NEDD4: variants seen among roughly 807,000 people sequenced by gnomAD.
NEDD4 encodes E3 ubiquitin-protein ligase NEDD4.
A neutral mutation model predicts 144.9 loss-of-function variants in NEDD4; 99 were observed. The ratio of observed to expected loss-of-function variants is 0.68; its 90% CI spans 0.58 to 0.81. The LOEUF is 0.81. Ranked by LOEUF, NEDD4 falls within the 30% of genes least tolerant of loss-of-function variation. The pLI is 0.00. For synonymous variants in NEDD4, 318 were observed against 350.6 expected (o/e 0.91, Z 1.04); for missense variants, 985 against 1,065.9 (o/e 0.92, Z 1.06).
At chr15:55,944,566 C>G (rs1286808917) in intron 4 of NEDD4, among the ~76,000 whole-genome samples, 2 of 152,220 alleles carry the variant, frequency 1.3e-5, no homozygotes, top group African/African-American at 4.8e-5. Context: ...CAGGGCATAG[C>G]TGAACAAAAT....
intron 5 of NEDD4, among the ~76,000 whole-genome samples, chr15:55,889,282 A>C (rs1021163710): frequency 2.0e-5 from 3 of 152,226 alleles, no homozygotes; most frequent in African/African-American, 7.2e-5. Context: ...TGCTGAAGAG[A>C]TATTTCAGCA....
At chr15:55,924,332 C>A in intron 5 of NEDD4, 1 of 250,542 alleles carries the variant, frequency 4.0e-6, no homozygotes. Flanking sequence ...GAGTAGGAAC[C>A]AGGGGTCATG....
At position 55,844,540 on chromosome 15, in the gene NEDD4, T is replaced by C. The variant is rs368711330; in HGVS notation, c.1609-2377A>G. Among the ~76,000 whole-genome samples, 191 of 152,226 alleles carry C rather than the reference T, an allele frequency of 1.3e-3. 1 individual carries two copies. Among genetic ancestry groups the C allele is most frequent in the African/African-American group, 4.6e-3 (189 of 41,536 alleles). On this transcript the variant is annotated intron_variant, in intron 18 of 28. Transcript: ENST00000435532. The stretch of plus-strand genomic sequence containing the variant: ...GCATGCATTCTGGAATCTGGTCCTG[T>C]GTTATTGACTCCACCATTCACTAGG...
At chr15:55,968,758 C>T (rs1205100153) in intron 1 of NEDD4, among the ~76,000 whole-genome samples, 1 of 152,086 alleles carries the variant, frequency 6.6e-6, no homozygotes, top group Non-Finnish European at 1.5e-5. Flanking sequence ...AACCCAGGAA[C>T]TGTATTTTTA....
intron 1 of NEDD4, among the ~76,000 whole-genome samples, chr15:55,977,204 C>G (rs982842346): frequency 6.6e-6 from 1 of 152,182 alleles, no homozygotes; most frequent in South Asian, 2.1e-4. Flanking sequence ...CAATGATGGA[C>G]AGCATATATG....
chr15:55,950,135 A>G (rs2037211612), intron 4 of NEDD4, among the ~76,000 whole-genome samples: 1 of 152,214 alleles, frequency 6.6e-6, no homozygotes, highest in African/African-American at 2.4e-5. Context: ...TATTCTGGTT[A>G]AATAGTAAAA....
At chr15:55,888,530 A>C (rs1459236770) in intron 5 of NEDD4, among the ~76,000 whole-genome samples, 1 of 152,234 alleles carries the variant, frequency 6.6e-6, no homozygotes, top group Non-Finnish European at 1.5e-5. Flanking sequence ...CATACTACCC[A>C]AAGCAATCTA....
chr15:55,981,061 G>A (rs1264490438), intron 1 of NEDD4, among the ~76,000 whole-genome samples: 10 of 147,084 alleles, frequency 6.8e-5, no homozygotes, highest in South Asian at 2.1e-4. Flanking sequence ...TTTTTGAGAC[G>A]GAGTCTCACC....
At chr15:55,981,748 C>A (rs1301505021) in intron 1 of NEDD4, among the ~76,000 whole-genome samples, 1 of 152,230 alleles carries the variant, frequency 6.6e-6, no homozygotes, top group East Asian at 1.9e-4. Flanking sequence ...AATGTTGAGG[C>A]CTGCACCTAC....
chr15:55,841,808 T>C (rs2033519066), intron 19 of NEDD4, 126 bp downstream of exon 19: 8 of 716,458 alleles, frequency 1.1e-5, no homozygotes. Flanking sequence ...CCTGACCTTG[T>C]GATCCGCCCG....
At chr15:55,878,719 A>G (rs1158330988) in intron 5 of NEDD4, among the ~76,000 whole-genome samples, 4 of 152,240 alleles carry the variant, frequency 2.6e-5, no homozygotes, top group Non-Finnish European at 5.9e-5. Flanking sequence ...TGAAAAATAA[A>G]ACTGTGGGAT....
chr15:55,979,064 T>TAA (rs1192259510), intron 1 of NEDD4, among the ~76,000 whole-genome samples: 16 of 147,034 alleles, frequency 1.1e-4, no homozygotes, highest in Non-Finnish European at 2.0e-4. Context: ...AGTCTATTTT[T>TAA]AAAAATATAT....
intron 5 of NEDD4, among the ~76,000 whole-genome samples, chr15:55,923,659 A>AATAT (rs1555404567): frequency 0.015 from 2,083 of 135,188 alleles, 40 homozygotes; most frequent in Middle Eastern, 0.071. Context: ...AAAAAAAAAA[A>AATAT]ATATATATAT....
chr15:55,946,556 C>T (rs748859082), intron 4 of NEDD4, among the ~76,000 whole-genome samples: 2,036 of 152,012 alleles, frequency 0.013, 16 homozygotes, highest in Non-Finnish European at 0.021. Flanking sequence ...ACAATAATAA[C>T]GGGAGACTTT....
At chr15:55,984,038 T>TTA (rs1346703966) in intron 1 of NEDD4, among the ~76,000 whole-genome samples, 1 of 152,216 alleles carries the variant, frequency 6.6e-6, no homozygotes, top group Non-Finnish European at 1.5e-5. Flanking sequence ...TTCTATATCA[T>TTA]TATACCTCAT....
rs929270698 is a variant in NEDD4, at chr15:55,954,788, T to G, written c.120-3199A>C. Among the ~76,000 whole-genome samples, 3 of 152,196 alleles carry G rather than the reference T, an allele frequency of 2.0e-5. No individual in the cohort carries two copies. The East Asian group carries it at 5.8e-4, about 29-fold the overall frequency. On this transcript the variant is annotated intron_variant, in intron 2 of 28. Coordinates refer to ENST00000435532, the MANE Select transcript of NEDD4 (RefSeq NM_006154.4). Reference sequence around the variant, plus strand: ...ATCCACCTGCCTTGGCCTCCCAAAGTGCTGGGAATACAGGCGTGAGCCACC... The same window carrying G: ...ATCCACCTGCCTTGGCCTCCCAAAGGGCTGGGAATACAGGCGTGAGCCACC...
At chr15:55,941,066 G>T (rs1421524731) in intron 4 of NEDD4, among the ~76,000 whole-genome samples, 1 of 152,148 alleles carries the variant, frequency 6.6e-6, no homozygotes, top group East Asian at 1.9e-4. Context: ...CTTTTAAAAA[G>T]TATCTGTAGG....
chr15:55,917,179 A>G lies in NEDD4; in HGVS notation c.291+7467T>C, dbSNP rs149522564. The G allele has an allele frequency of 1.1e-3, 1,108 of 1,027,210 alleles. 1 individual carries two copies. The highest frequency in any genetic ancestry group is 0.01 in the Middle Eastern group (22 of 2,120). The allele number at this position is 1,027,210 out of a possible 1,614,324, so 63.6% of individuals were successfully genotyped here. On this transcript the variant is annotated intron_variant, in intron 5 of 28. Coordinates refer to ENST00000435532, the MANE Select transcript of NEDD4 (RefSeq NM_006154.4). ...CCTTGTTTCAATTATACCTTCTCCA[A>G]TTTGCATGAATGAGTAACACAAGAA...
At chr15:55,838,766 G>A (rs1168527443) in intron 21 of NEDD4, among the ~76,000 whole-genome samples, 162 bp from the exon 22 acceptor site, 7 of 152,166 alleles carry the variant, frequency 4.6e-5, no homozygotes, top group Non-Finnish European at 1.0e-4. Flanking sequence ...GTGTGTATGT[G>A]TGTGTATTAC....
Sources: allele counts gnomAD v4.1 joint callset (sites outside exome capture counted in the v4.1 genomes callset), GRCh38; gene constraint gnomAD v4.1.1; transcripts MANE v1.5; gene names NCBI Gene and HGNC (gene_info 2026-07-23, HGNC 2026-07-21).